RTCA: variants seen among roughly 807,000 people sequenced by gnomAD.
RTCA encodes the protein RNA 3'-terminal phosphate cyclase.
Under a neutral mutation model 46.1 loss-of-function variants are expected in RTCA, and 37 were observed. The ratio of observed to expected loss-of-function variants is 0.80; its 90% CI spans 0.62 to 1.06. The LOEUF (loss-of-function observed/expected upper bound fraction) is 1.06, where lower values mean the gene tolerates loss of function less well. Among genes scored for constraint, RTCA ranks in the 50% least tolerant of loss-of-function variants. RTCA has a pLI of 0.00. For synonymous variants in RTCA, 164 were observed against 158.3 expected (o/e 1.04, Z -0.27); for missense variants, 435 against 455.5 (o/e 0.95, Z 0.41).
chr1:100,267,308 T>C (rs1665837705), intron 2 of RTCA: 2 of 490,692 alleles, frequency 4.1e-6, no homozygotes, highest in South Asian at 6.6e-5. Context: ...GTCTACAGTT[T>C]TGAAATTACC....
intron 8 of RTCA, among the ~76,000 whole-genome samples, chr1:100,283,165 T>C (rs1271651674): frequency 6.7e-6 from 1 of 148,876 alleles, no homozygotes; most frequent in Non-Finnish European, 1.5e-5. Flanking sequence ...TATTCCTTTT[T>C]TTTTTTTTTT....
Position 100,281,677 on chromosome 1 carries a change from C to T in RTCA, c.800-3551C>T, listed in dbSNP as rs375622555. 2.0e-5 allele frequency among the ~76,000 whole-genome samples: 3 copies of T among 151,832 alleles called. No individual in the cohort carries two copies. In the South Asian group the frequency reaches 6.2e-4, roughly 32 times the overall value. On this transcript the variant is annotated intron_variant, in intron 8 of 10. Transcript: ENST00000370128. ...TATAGCAAGCACCTTCCTTCCCTCC[C>T]TCAGTGTATGTGGTAATTCAGGGCA...
chr1:100,273,816 T>C (rs1666228937), intron 5 of RTCA, among the ~76,000 whole-genome samples: 1 of 152,220 alleles, frequency 6.6e-6, no homozygotes, highest in South Asian at 2.1e-4. Context: ...TGATCAGAAT[T>C]GTTTTCCTAA....
intron 3 of RTCA, among the ~76,000 whole-genome samples, chr1:100,269,590 T>C (rs1048168218): frequency 2.8e-4 from 42 of 152,102 alleles, no homozygotes; most frequent in Admixed American, 2.8e-3. Context: ...CACCTCTGTC[T>C]CCCAAAGTGC....
In RTCA at chr1:100,266,388, C is replaced by A; in HGVS notation, c.13C>A (p.Arg5=). The A allele has an allele frequency of 6.2e-7, 1 of 1,611,184 alleles. No individual in the cohort carries two copies. The highest frequency in any genetic ancestry group is 1.7e-5 in the Admixed American group (1 of 59,290). MAGP[R]VEVDGSIMEG... ...CAGGGTGTCCCCCATGGCGGGGCCG[C>A]GGGTGGAGGTCGATGGCAGCATCAT... The change falls in exon 1 of 11, where the codon CGG becomes AGG. Residue 5 remains arginine, a synonymous_variant. Coordinates refer to ENST00000370128, the MANE Select transcript of RTCA (RefSeq NM_003729.4).
Position 100,289,115 on chromosome 1 carries a change from C to T in RTCA, c.999+1912C>T, listed in dbSNP as rs557448503. On this transcript the variant is annotated intron_variant, in intron 10 of 10. Transcript: ENST00000370128. The stretch of plus-strand genomic sequence containing the variant: ...CAGGGATTACAGGCATGAGCCACCG[C>T]GCCTGGCCTTTCTTTTTTTTTTTTC... 7.3e-4 allele frequency among the ~76,000 whole-genome samples: 111 copies of T among 152,016 alleles called. 1 individual carries two copies. The highest frequency in any genetic ancestry group is 4.9e-3 in the Admixed American group (75 of 15,272).
At chr1:100,291,280 T>C in intron 10 of RTCA, 123 bp from the exon 11 acceptor site, 1 of 602,604 alleles carries the variant, frequency 1.7e-6, no homozygotes, top group Non-Finnish European at 3.0e-6. Context: ...TTGATCTTTG[T>C]GTCTCTGTAG....
rs747004234 is a variant in RTCA, at chr1:100,273,374, A to AT, written c.415-19dup. 2 of 1,521,516 alleles carry AT rather than the reference A, an allele frequency of 1.3e-6. No homozygotes were observed. 94.3% of individuals were successfully genotyped at this position (1,521,516 alleles called of 1,614,324 possible). A position where few individuals can be genotyped will look rare whatever the true frequency, so the allele number is the denominator to read the frequency against. On this transcript the variant is annotated intron_variant, in intron 4 of 10. Transcript: ENST00000370128. ...GTGAATATTGCTGATTAACCTAATGATAAAAACTGATTTTTTCAGGTCTTC... is the reference window on the plus strand; with the variant it reads ...GTGAATATTGCTGATTAACCTAATGATTAAAAACTGATTTTTTCAGGTCTTC...
chr1:100,267,466 G>A, intron 2 of RTCA: 1 of 1,501,382 alleles, frequency 6.7e-7, no homozygotes, highest in Non-Finnish European at 8.9e-7. Context: ...CACACAGAGT[G>A]GAGCTTAAAC....
Position 100,267,392 on chromosome 1 carries a change from G to A in RTCA, c.147-760G>A, listed in dbSNP as rs987085854. On this transcript the variant is annotated intron_variant, in intron 2 of 10. Transcript: ENST00000370128. ...GCAGCCCTCCAGTTCACCAACAGGG[G>A]AATCCAATTCATTAGGCTGTAGGTG... The A allele has an allele frequency of 6.6e-6, 8 of 1,208,544 alleles. No homozygotes were observed. In the African/African-American group the frequency reaches 9.2e-5, roughly 14 times the overall value. The allele number at this position is 1,208,544 out of a possible 1,614,324, so 74.9% of individuals were successfully genotyped here. A position where few individuals can be genotyped will look rare whatever the true frequency, so the allele number is the denominator to read the frequency against.
chr1:100,275,652 G>T lies in RTCA; in HGVS notation c.669G>T (p.Arg223=). Residue 223 remains arginine, a synonymous_variant, in exon 7 of 11, where the codon CGG becomes CGT. Coordinates refer to ENST00000370128, the MANE Select transcript of RTCA (RefSeq NM_003729.4). ...AAVRCIRKEI[R]DLYVNIQPVQ... ...TTAGATGCATCAGAAAGGAGATCCG[G>T]GATTTGTATGTTAACATCCAGCCTG... 1.2e-6 allele frequency: 2 copies of T among 1,612,366 alleles called. No homozygotes were observed. The highest frequency in any genetic ancestry group is 1.7e-6 in the Non-Finnish European group (2 of 1,179,112).
rs754318065 is a variant in RTCA at position 100,287,239 on chromosome 1, G to A, written c.999+36G>A. 16 of 1,471,486 alleles carry A rather than the reference G, an allele frequency of 1.1e-5. No homozygotes were observed. In the East Asian group the frequency reaches 3.5e-4, roughly 32 times the overall value. 91.2% of individuals were successfully genotyped at this position (1,471,486 alleles called of 1,614,324 possible). A position where few individuals can be genotyped will look rare whatever the true frequency, so the allele number is the denominator to read the frequency against. ...TATCAGAAAGGGAAATTGATATTTTGATTTTTATTTTAGCCAATTTTGGGT... is the reference window on the plus strand; with the variant it reads ...TATCAGAAAGGGAAATTGATATTTTAATTTTTATTTTAGCCAATTTTGGGT... On this transcript the variant is annotated intron_variant, in intron 10 of 10. Coordinates refer to ENST00000370128, the MANE Select transcript of RTCA (RefSeq NM_003729.4).
intron 2 of RTCA, 115 bp from the exon 3 acceptor site, chr1:100,268,037 A>C (rs935567014): frequency 1.4e-6 from 2 of 1,439,236 alleles, no homozygotes; most frequent in Non-Finnish European, 1.9e-6. Flanking sequence ...TGTGGCACTT[A>C]CTGTGGTTAG....
rs929767902 is a variant in RTCA at position 100,284,633 on chromosome 1, A to T, written c.800-595A>T. Among the ~76,000 whole-genome samples, 11 of 152,276 alleles carry T rather than the reference A, an allele frequency of 7.2e-5. No homozygotes were observed. The East Asian group carries it at 2.1e-3, about 29-fold the overall frequency. On this transcript the variant is annotated intron_variant, in intron 8 of 10. Transcript: ENST00000370128. ...GGCCTCAAACTCCTGACCTCAAGTG[A>T]TCCATCCGCCTCAGCCTCCCAAAGC...
chr1:100,273,397 T>C lies in RTCA; in HGVS notation c.418T>C (p.Phe140Leu). Residue 140 changes from phenylalanine to leucine, a missense_variant, in exon 5 of 11, where the codon TTC (phenylalanine) becomes CTC (leucine). Coordinates refer to ENST00000370128, the MANE Select transcript of RTCA (RefSeq NM_003729.4). ...TGATAAAAACTGATTTTTTCAGGTC[T>C]TCAAGCCAATTGTTGAAAAATTTGG... Reference protein sequence around the residue: ...APQIDYTVMVFKPIVEKFGFI... With the variant: ...APQIDYTVMVLKPIVEKFGFI... 6.3e-7 allele frequency: 1 copy of C among 1,577,780 alleles called. No homozygotes were observed. Among genetic ancestry groups the C allele is most frequent in the Non-Finnish European group, 8.6e-7 (1 of 1,157,612 alleles).
intron 2 of RTCA, chr1:100,267,686 G>A: frequency 1.3e-6 from 1 of 772,290 alleles, no homozygotes; most frequent in South Asian, 3.8e-5. Flanking sequence ...CAGTAAGATT[G>A]TATGGTGGCC....
intron 8 of RTCA, among the ~76,000 whole-genome samples, chr1:100,277,830 C>T (rs1366148201): frequency 6.8e-6 from 1 of 147,424 alleles, no homozygotes; most frequent in Non-Finnish European, 1.5e-5. Context: ...ATTTGTTTCT[C>T]AAGTCTCTTT....
rs537998921 is a variant in RTCA, at chr1:100,276,648, G to A, written c.741-610G>A. On this transcript the variant is annotated intron_variant, in intron 7 of 10. Coordinates refer to ENST00000370128, the MANE Select transcript of RTCA (RefSeq NM_003729.4). ...GCTGAGATCACACCACTGCACTCCA[G>A]CCTGGCGACAAAGCGAGACTCCATC... is the stretch of plus-strand genomic sequence containing the variant. 3.5e-4 allele frequency among the ~76,000 whole-genome samples: 53 copies of A among 152,220 alleles called. No individual in the cohort carries two copies. The South Asian group carries it at 0.01, about 29-fold the overall frequency.
intron 4 of RTCA, 144 bp downstream of exon 4, chr1:100,270,824 T>TTC: frequency 1.9e-6 from 2 of 1,045,372 alleles, no homozygotes; most frequent in East Asian, 5.0e-5. Context: ...TCTTTTTTTT[T>TTC]TTGAGACAGT....
Sources: allele counts gnomAD v4.1 joint callset (sites outside exome capture counted in the v4.1 genomes callset), GRCh38; gene constraint gnomAD v4.1.1; transcripts MANE v1.5; gene names NCBI Gene and HGNC (gene_info 2026-07-23, HGNC 2026-07-21).